SLIT3: variants seen among roughly 807,000 people sequenced by gnomAD.
The protein encoded by SLIT3 is slit homolog 3 protein.
In SLIT3, 68 loss-of-function variants were observed where a neutral mutation model predicts 184.0. The observed-to-expected ratio is 0.37, with a 90% CI of 0.30 to 0.45. The LOEUF (loss-of-function observed/expected upper bound fraction) is 0.45, where lower values mean the gene tolerates loss of function less well. SLIT3 is among the 20% of genes least tolerant of loss of function. The pLI is 1.00. For missense variants in SLIT3, 1,707 were observed against 2,026.0 expected, an observed-to-expected ratio of 0.84 and a Z score of 3.02; for synonymous variants, 831 against 828.6, an observed-to-expected ratio of 1.00 and a Z score of -0.05.
chr5:168,839,643 C>T (rs992533141), intron 6 of SLIT3, among the ~76,000 whole-genome samples: 5 of 152,152 alleles, frequency 3.3e-5, no homozygotes, highest in African/African-American at 7.2e-5. Context: ...TTGTAGCCTC[C>T]GGTTTAAAGA....
intron 14 of SLIT3, among the ~76,000 whole-genome samples, chr5:168,769,459 C>T (rs533117818): frequency 3.9e-5 from 6 of 152,288 alleles, no homozygotes; most frequent in Non-Finnish European, 7.3e-5. Flanking sequence ...AGCATCTCAA[C>T]GGTGCATAGG....
At chr5:169,159,178 A>G (rs1762398256) in intron 4 of SLIT3, among the ~76,000 whole-genome samples, 1 of 152,118 alleles carries the variant, frequency 6.6e-6, no homozygotes, top group Non-Finnish European at 1.5e-5. Flanking sequence ...TGAGGTCAAG[A>G]GTTCGAGACC....
chr5:168,922,317 C>T (rs932746947), intron 4 of SLIT3, among the ~76,000 whole-genome samples: 1 of 151,726 alleles, frequency 6.6e-6, no homozygotes, highest in Non-Finnish European at 1.5e-5. Context: ...ATTAGCCGGG[C>T]ATGGTGGCGG....
chr5:169,150,005 T>C lies in SLIT3; in HGVS notation c.413+43474A>G, dbSNP rs553897577. ...TCGAGGTTCTGGAAGATAAAATAACTTGCCCACCATCACGTGGCCAGTGTG... is the reference window on the plus strand; with the variant it reads ...TCGAGGTTCTGGAAGATAAAATAACCTGCCCACCATCACGTGGCCAGTGTG... On this transcript the variant is annotated intron_variant, in intron 4 of 35. Coordinates refer to ENST00000519560, the MANE Select transcript of SLIT3 (RefSeq NM_003062.4). Among the ~76,000 whole-genome samples the C allele has an allele frequency of 5.3e-5, 8 of 152,342 alleles. No individual in the cohort carries two copies. In the East Asian group the frequency reaches 1.5e-3, roughly 29 times the overall value.
intron 2 of SLIT3, among the ~76,000 whole-genome samples, chr5:169,250,329 T>A (rs1765729521): frequency 6.6e-6 from 1 of 152,142 alleles, no homozygotes; most frequent in Non-Finnish European, 1.5e-5. Context: ...GCTTCACAAG[T>A]AATCACAAAA....
At chr5:168,677,485 G>A (rs1352055923) in intron 32 of SLIT3, among the ~76,000 whole-genome samples, 2 of 152,118 alleles carry the variant, frequency 1.3e-5, no homozygotes, top group African/African-American at 4.8e-5. Context: ...GTCTCGCTCT[G>A]TTGCCCAGGC....
chr5:168,757,295 C>T (rs563972254), intron 16 of SLIT3, among the ~76,000 whole-genome samples: 19 of 152,290 alleles, frequency 1.2e-4, no homozygotes, highest in East Asian at 1.9e-4. Context: ...TACTGTCTAG[C>T]GCAGGGTAAA....
At chr5:168,883,200 C>T in intron 5 of SLIT3, 65 bp downstream of exon 5, 2 of 1,321,850 alleles carry the variant, frequency 1.5e-6, no homozygotes, top group Non-Finnish European at 2.2e-6. Context: ...CATCCCTCAC[C>T]CTCACTCTGG....
At chr5:168,882,774 G>A (rs1453041284) in intron 5 of SLIT3, among the ~76,000 whole-genome samples, 1 of 152,180 alleles carries the variant, frequency 6.6e-6, no homozygotes, top group Admixed American at 6.5e-5. Context: ...TTCCTGGGAT[G>A]TAAGTCCCCA....
At chr5:169,038,407 C>T (rs1052719112) in intron 4 of SLIT3, among the ~76,000 whole-genome samples, 1 of 152,216 alleles carries the variant, frequency 6.6e-6, no homozygotes, top group South Asian at 2.1e-4. Flanking sequence ...GGTATATGCA[C>T]ATACGTTCAA....
chr5:169,271,274 A>T (rs2113631654), intron 1 of SLIT3, among the ~76,000 whole-genome samples: 1 of 152,284 alleles, frequency 6.6e-6, no homozygotes, highest in South Asian at 2.1e-4. Context: ...AATAAGCTAT[A>T]GGGGGCTCCA....
intron 4 of SLIT3, among the ~76,000 whole-genome samples, chr5:169,147,367 C>T (rs1761959644): frequency 6.6e-6 from 1 of 152,186 alleles, no homozygotes; most frequent in Admixed American, 6.5e-5. Context: ...CTCCCGGGTT[C>T]AAGCGATTCT....
chr5:169,221,998 GTGGT>G (rs141719178), intron 3 of SLIT3, among the ~76,000 whole-genome samples: 6,693 of 152,268 alleles, frequency 0.044, 183 homozygotes, highest in East Asian at 0.092. Flanking sequence ...GCTTGGCTGT[GTGGT>G]TGAGCCATGC....
chr5:168,851,052 A>C (rs1007850206), intron 5 of SLIT3, among the ~76,000 whole-genome samples: 6 of 152,224 alleles, frequency 3.9e-5, no homozygotes, highest in African/African-American at 1.4e-4. Context: ...GGCCAGGTGC[A>C]GCGGTTCACG....
chr5:168,783,670 C>G (rs1756053049), intron 12 of SLIT3, among the ~76,000 whole-genome samples: 1 of 152,184 alleles, frequency 6.6e-6, no homozygotes, highest in Admixed American at 6.5e-5. Flanking sequence ...TCAGAGCCTT[C>G]TTATCAGTGT....
intron 18 of SLIT3, 64 bp downstream of exon 18, chr5:168,752,891 G>C: frequency 6.6e-7 from 1 of 1,507,890 alleles, no homozygotes; most frequent in Non-Finnish European, 9.2e-7. Flanking sequence ...CAGGGAGCTG[G>C]GAGGAGAGAG....
intron 5 of SLIT3, among the ~76,000 whole-genome samples, chr5:168,872,301 T>C (rs1476683002): frequency 1.3e-5 from 2 of 152,244 alleles, no homozygotes; most frequent in African/African-American, 4.8e-5. Flanking sequence ...GACACTATTC[T>C]GTATAACACT....
Position 168,988,408 on chromosome 5 carries a change from T to C in SLIT3, c.414-105072A>G, listed in dbSNP as rs75902590. ...CAGACAACACTCAGATCCTGCATGA[T>C]GGGGAGAGTAGAATGGTCTTGCCCA... On this transcript the variant is annotated intron_variant, in intron 4 of 35. Transcript: ENST00000519560. Among the ~76,000 whole-genome samples, 753 of 152,214 alleles carry C rather than the reference T, an allele frequency of 4.9e-3. 8 individuals are homozygous for C. The highest frequency in any genetic ancestry group is 0.017 in the African/African-American group (713 of 41,530).
intron 4 of SLIT3, among the ~76,000 whole-genome samples, chr5:169,144,140 T>C (rs1207015454): frequency 6.6e-6 from 1 of 152,220 alleles, no homozygotes; most frequent in African/African-American, 2.4e-5. Context: ...TCTCTGCTTC[T>C]TCCCATTGTC....
Sources: allele counts gnomAD v4.1 joint callset (sites outside exome capture counted in the v4.1 genomes callset), GRCh38; gene constraint gnomAD v4.1.1; transcripts MANE v1.5; gene names NCBI Gene and HGNC (gene_info 2026-07-23, HGNC 2026-07-21).